Variants in NCOA3 observed in about 807,000 individuals in gnomAD.
NCOA3 encodes nuclear receptor coactivator 3.
Under a neutral mutation model 158.8 loss-of-function variants are expected in NCOA3, and 51 were observed. The observed-to-expected ratio is 0.32, with a 90% CI of 0.26 to 0.41. NCOA3 has a LOEUF of 0.41. Ranked by LOEUF, NCOA3 falls within the 10% of genes least tolerant of loss-of-function variation. The pLI is 1.00. For synonymous variants in NCOA3, 537 were observed against 592.4 expected (o/e 0.91, Z 1.36); for missense variants, 1,510 against 1,746.6 (o/e 0.86, Z 2.41).
chr20:47,572,359 GCA>G (rs2085306916), intron 1 of NCOA3, among the ~76,000 whole-genome samples: 1 of 151,916 alleles, frequency 6.6e-6, no homozygotes, highest in Non-Finnish European at 1.5e-5. Context: ...AGATGTGATT[GCA>G]CCACTGCACC....
At chr20:47,569,964 C>G (rs1370926020) in intron 1 of NCOA3, among the ~76,000 whole-genome samples, 1 of 151,096 alleles carries the variant, frequency 6.6e-6, no homozygotes, top group Non-Finnish European at 1.5e-5. Flanking sequence ...GAGCTGAGAT[C>G]ACGCCACTGC....
chr20:47,592,743 G>A (rs370496134), intron 2 of NCOA3, among the ~76,000 whole-genome samples: 1 of 152,184 alleles, frequency 6.6e-6, no homozygotes, highest in African/African-American at 2.4e-5. Flanking sequence ...GGTCCTGGTA[G>A]CGGATGCTAC....
rs762542079 is a variant in NCOA3, at chr20:47,623,861, G to GAT, written c.84-41_84-40dup. 18 of 1,526,668 alleles carry GAT rather than the reference G, an allele frequency of 1.2e-5. No individual in the cohort carries two copies. The East Asian group carries it at 1.8e-4, about 15-fold the overall frequency. 94.6% of individuals were successfully genotyped at this position (1,526,668 alleles called of 1,614,324 possible). A position where few individuals can be genotyped will look rare whatever the true frequency, so the allele number is the denominator to read the frequency against. On this transcript the variant is annotated intron_variant, in intron 3 of 22. Transcript: ENST00000371998. ...CTGATTCTGCTAACAGCTCTTTTGT[G>GAT]ATATATATATTATGTCTCCTTTCCC...
At chr20:47,617,927 A>G (rs2086165128) in intron 2 of NCOA3, among the ~76,000 whole-genome samples, 1 of 152,278 alleles carries the variant, frequency 6.6e-6, no homozygotes, top group Admixed American at 6.5e-5. Flanking sequence ...AAATCTGTCC[A>G]ACCTGTTCCT....
Position 47,653,832 on chromosome 20 carries a change from G to A in NCOA3, c.*415G>A. 5.1e-6 allele frequency: 1 copy of A among 194,624 alleles called. No homozygotes were observed. The highest frequency in any genetic ancestry group is 2.3e-5 in the African/African-American group (1 of 42,944). 12.1% of individuals were successfully genotyped at this position (194,624 alleles called of 1,614,324 possible). A position where few individuals can be genotyped will look rare whatever the true frequency, so the allele number is the denominator to read the frequency against. ...ATTAGAATATCTGGTTTCTCTAGTT[G>A]CAGTATTGGACAAAGAGCATAGTCC... is the stretch of plus-strand genomic sequence containing the variant. On this transcript the variant is annotated 3_prime_UTR_variant, in exon 23 of 23. Transcript: ENST00000371998.
intron 2 of NCOA3, among the ~76,000 whole-genome samples, chr20:47,612,230 G>T (rs187003469): frequency 1.2e-4 from 18 of 152,190 alleles, no homozygotes; most frequent in Admixed American, 1.0e-3. Context: ...AGGAGAACTG[G>T]AGTTTGAAAA....
chr20:47,652,303 AC>A (rs1346353783), intron 20 of NCOA3, 102 bp from the exon 21 acceptor site: 2 of 924,544 alleles, frequency 2.2e-6, no homozygotes, highest in South Asian at 1.8e-5. Flanking sequence ...ACTTCCCTCC[AC>A]CCCCACCTCC....
chr20:47,584,444 G>GCTC (rs1423411624), intron 2 of NCOA3, among the ~76,000 whole-genome samples: 2 of 151,966 alleles, frequency 1.3e-5, no homozygotes, highest in African/African-American at 2.4e-5. Context: ...ATGTGGTGAA[G>GCTC]CTCCGTCTCT....
At chr20:47,621,205 G>C (rs932397456) in intron 2 of NCOA3, among the ~76,000 whole-genome samples, 2 of 151,524 alleles carry the variant, frequency 1.3e-5, no homozygotes, top group African/African-American at 4.8e-5. Flanking sequence ...TAGATTTTCT[G>C]ATTTATATTA....
In NCOA3 at chr20:47,652,481, G is replaced by T; in HGVS notation, c.4022G>T (p.Gly1341Val). Reference sequence around the variant, plus strand: ...AATGCAATGATGTCGTCAAGAATGGGTCCCTCCCAGAATCCCATGATGCAA... The same window carrying T: ...AATGCAATGATGTCGTCAAGAATGGTTCCCTCCCAGAATCCCATGATGCAA... ...PPNAMMSSRM[G>V]PSQNPMMQHP... Residue 1341 changes from glycine (G) to valine (V), a missense_variant, in exon 21 of 23, where the codon GGT (glycine) becomes GTT (valine). Physicochemically the swap from Gly to Val is moderately radical, Grantham distance 109 (BLOSUM62 -3). This residue lies in a region of NCOA3 where 180 missense variants were observed against 199.3 expected (regional missense o/e 0.90). Transcript: ENST00000371998. 2 of 1,614,072 alleles carry T rather than the reference G, an allele frequency of 1.2e-6. No individual in the cohort carries two copies. Among genetic ancestry groups the T allele is most frequent in the Non-Finnish European group, 8.5e-7 (1 of 1,179,934 alleles).
At chr20:47,544,690 T>G (rs2084800298) in intron 1 of NCOA3, among the ~76,000 whole-genome samples, 1 of 152,200 alleles carries the variant, frequency 6.6e-6, no homozygotes, top group African/African-American at 2.4e-5. Context: ...TTTCAGTTGA[T>G]ATCAGGTAAT....
Position 47,652,517 on chromosome 20 carries a change from C to T in NCOA3, c.4058C>T (p.Ala1353Val). 2 of 1,614,058 alleles carry T rather than the reference C, an allele frequency of 1.2e-6. No individual in the cohort carries two copies. The highest frequency in any genetic ancestry group is 1.7e-6 in the Non-Finnish European group (2 of 1,179,912). ...SQNPMMQHPQAASIYQSSEMK... is the reference protein window; with the variant it reads ...SQNPMMQHPQVASIYQSSEMK... ...AATCCCATGATGCAACACCCGCAGG[C>T]TGCATCCATCTATCAGTCCTCAGAA... The change falls in exon 21 of 23, where the codon GCT becomes GTT. Residue 1353 changes from alanine (A) to valine (V), a missense_variant. Physicochemically the swap from Ala to Val is moderately conservative, Grantham distance 64. Transcript: ENST00000371998.
chr20:47,593,850 G>A (rs1199618512), intron 2 of NCOA3, among the ~76,000 whole-genome samples: 1 of 152,106 alleles, frequency 6.6e-6, no homozygotes, highest in Non-Finnish European at 1.5e-5. Flanking sequence ...TATGGGAAAA[G>A]AATTACTGGC....
At chr20:47,580,293 G>A (rs377102505) in intron 1 of NCOA3, among the ~76,000 whole-genome samples, 2 of 151,880 alleles carry the variant, frequency 1.3e-5, no homozygotes, top group African/African-American at 2.4e-5. Flanking sequence ...GGCCGGGCAC[G>A]GTGGCTCATG....
chr20:47,639,060 AGTGTCTCTGGATAGCCCT>A lies in NCOA3; in HGVS notation c.2568_2585del (p.Leu858_Ser863del), dbSNP rs1352276268. On this transcript the variant is annotated inframe_deletion, in exon 14 of 23. Transcript: ENST00000371998. ...CTATTCGTCCTCCATATAACCGAGC[AGTGTCTCTGGATAGCCCT>A]GTTTCTGTTGGCTCAAGTCCTCCAG... 1 of 1,614,064 alleles carries A rather than the reference AGTGTCTCTGGATAGCCCT, an allele frequency of 6.2e-7. No homozygotes were observed. The highest frequency in any genetic ancestry group is 1.3e-5 in the African/African-American group (1 of 74,936).
intron 1 of NCOA3, among the ~76,000 whole-genome samples, chr20:47,521,761 T>C (rs2084338181): frequency 6.6e-6 from 1 of 152,156 alleles, no homozygotes; most frequent in Non-Finnish European, 1.5e-5. Context: ...TGAAGAGAAA[T>C]TTAGAACTCA....
intron 2 of NCOA3, among the ~76,000 whole-genome samples, chr20:47,615,484 C>G (rs1453009958): frequency 6.6e-6 from 1 of 152,144 alleles, no homozygotes; most frequent in Non-Finnish European, 1.5e-5. Flanking sequence ...TTTTTCCCTC[C>G]TGTCTTAATC....
chr20:47,626,730 G>A (rs2086328344), intron 5 of NCOA3, among the ~76,000 whole-genome samples: 1 of 152,202 alleles, frequency 6.6e-6, no homozygotes, highest in South Asian at 2.1e-4. Context: ...CAAGGTGTCA[G>A]CAGGATTGGC....
At chr20:47,601,495 A>G (rs2085862104) in intron 2 of NCOA3, among the ~76,000 whole-genome samples, 1 of 152,224 alleles carries the variant, frequency 6.6e-6, no homozygotes, top group Non-Finnish European at 1.5e-5. Context: ...ATAGTACTTA[A>G]TTTTGTAACT....
Sources: allele counts gnomAD v4.1 joint callset (sites outside exome capture counted in the v4.1 genomes callset), GRCh38; gene constraint gnomAD v4.1.1; regional missense constraint gnomAD v4.1.1; transcripts MANE v1.5; gene names NCBI Gene and HGNC (gene_info 2026-07-23, HGNC 2026-07-21).